The following SUCLG2 variants were observed in gnomAD, a reference collection of about 807,000 sequenced individuals.
The protein encoded by SUCLG2 is succinate--CoA ligase [GDP-forming] subunit beta, mitochondrial.
In SUCLG2, 42 loss-of-function variants were observed where a neutral mutation model predicts 47.9. The observed-to-expected ratio is 0.88, with a 90% CI of 0.69 to 1.14. The LOEUF (loss-of-function observed/expected upper bound fraction) is 1.14. Ranked by LOEUF, SUCLG2 falls within the 50% of genes most tolerant of loss-of-function variation. SUCLG2 has a pLI of 0.00. For synonymous variants in SUCLG2, 195 were observed against 197.3 expected (o/e 0.99, Z 0.10); for missense variants, 571 against 525.9 (o/e 1.09, Z -0.84).
chr3:67,393,090 C>T (rs969891321), intron 10 of SUCLG2, among the ~76,000 whole-genome samples: 12 of 152,166 alleles, frequency 7.9e-5, no homozygotes, highest in African/African-American at 1.4e-4. Context: ...CCAGCGTGAG[C>T]GACGCAGAAG....
At chr3:67,543,968 C>A (rs141055607) in intron 2 of SUCLG2, among the ~76,000 whole-genome samples, 37 of 152,266 alleles carry the variant, frequency 2.4e-4, no homozygotes, top group African/African-American at 8.9e-4. Flanking sequence ...GGACACATGG[C>A]TGAATACCTT....
chr3:67,550,353 T>C (rs1248619231), intron 2 of SUCLG2, among the ~76,000 whole-genome samples: 1 of 152,186 alleles, frequency 6.6e-6, no homozygotes, highest in Non-Finnish European at 1.5e-5. Flanking sequence ...TTTTCTTTTT[T>C]CCTTGAGACA....
At chr3:67,372,938 T>C (rs1701973402), downstream of SUCLG2, among the ~76,000 whole-genome samples, 1 of 152,130 alleles carries the variant, frequency 6.6e-6, no homozygotes, top group African/African-American at 2.4e-5. Context: ...CTGTGTAGCA[T>C]GAAAGTAGCC....
Position 67,647,564 on chromosome 3 carries a change from T to C in SUCLG2, c.84+6939A>G, listed in dbSNP as rs113156056. Reference sequence around the variant, plus strand: ...TCATGTCCAGTTGGCCGTTGGTTCATGCTGTGGCTACTGCCAATTCTTTAA... The same window carrying C: ...TCATGTCCAGTTGGCCGTTGGTTCACGCTGTGGCTACTGCCAATTCTTTAA... On this transcript the variant is annotated intron_variant, in intron 1 of 10. Transcript: ENST00000307227. Among the ~76,000 whole-genome samples the C allele has an allele frequency of 5.4e-3, 816 of 152,380 alleles. 2 individuals are homozygous for C. The highest frequency in any genetic ancestry group is 0.01 in the Middle Eastern group (3 of 294).
At chr3:67,562,303 A>G (rs1286947056) in intron 2 of SUCLG2, among the ~76,000 whole-genome samples, 1 of 151,630 alleles carries the variant, frequency 6.6e-6, no homozygotes, top group East Asian at 1.9e-4. Flanking sequence ...TTTGAGACAG[A>G]GTCTTGCTCT....
chr3:67,466,880 G>C (rs1287594218), intron 9 of SUCLG2, among the ~76,000 whole-genome samples: 1 of 152,198 alleles, frequency 6.6e-6, no homozygotes, highest in African/African-American at 2.4e-5. Flanking sequence ...GATATAACAT[G>C]CTTTACTGCT....
chr3:67,386,579 C>T (rs6787803), intron 10 of SUCLG2, among the ~76,000 whole-genome samples: 108,242 of 151,984 alleles, frequency 0.71, 39,183 homozygotes, highest in African/African-American at 0.82. Context: ...GAGCAAGGGA[C>T]GTCTTACATG....
chr3:67,403,703 AAG>A (rs141133572), intron 9 of SUCLG2, among the ~76,000 whole-genome samples: 2,220 of 152,256 alleles, frequency 0.015, 38 homozygotes, highest in African/African-American at 0.041. Context: ...GGAAGAAAAA[AAG>A]AGCAGGATCT....
At chr3:67,650,348 A>G (rs765766620) in intron 1 of SUCLG2, among the ~76,000 whole-genome samples, 6 of 152,214 alleles carry the variant, frequency 3.9e-5, no homozygotes, top group Non-Finnish European at 7.3e-5. Flanking sequence ...ATTCTTTCTG[A>G]GTATACAACA....
In SUCLG2 at chr3:67,511,202, T is replaced by C. The variant is rs553271450; in HGVS notation, c.661-2299A>G. On this transcript the variant is annotated intron_variant, in intron 6 of 10. Coordinates refer to ENST00000307227, the MANE Select transcript of SUCLG2 (RefSeq NM_003848.4). ...TGCGCCCGGCCTAAATTGTTCTTCA[T>C]AGAAGCTGTCCCTGATTTCCACTCC... 3.9e-5 allele frequency among the ~76,000 whole-genome samples: 6 copies of C among 152,308 alleles called. No homozygotes were observed. The South Asian group carries it at 1.2e-3, about 32-fold the overall frequency.
chr3:67,437,520 G>A (rs970370024), intron 9 of SUCLG2, among the ~76,000 whole-genome samples: 5 of 152,096 alleles, frequency 3.3e-5, no homozygotes, highest in Non-Finnish European at 7.4e-5. Flanking sequence ...TCATTTAATA[G>A]TTGCTGACTC....
chr3:67,654,316 G>C (rs924354692), intron 1 of SUCLG2, among the ~76,000 whole-genome samples, 187 bp downstream of exon 1: 1 of 152,184 alleles, frequency 6.6e-6, no homozygotes, highest in Non-Finnish European at 1.5e-5. Context: ...CCGCCGCGCC[G>C]CCCCTGCCCC....
chr3:67,599,547 A>G (rs1575807155), intron 2 of SUCLG2, among the ~76,000 whole-genome samples: 1 of 152,172 alleles, frequency 6.6e-6, no homozygotes, highest in East Asian at 1.9e-4. Flanking sequence ...ATATTTATGT[A>G]AAGTTGTTTT....
At chr3:67,481,143 G>A (rs181655470) in intron 9 of SUCLG2, among the ~76,000 whole-genome samples, 247 of 152,282 alleles carry the variant, frequency 1.6e-3, no homozygotes, top group African/African-American at 5.7e-3. Context: ...ATTATAAAAT[G>A]TAATAATGCA....
At chr3:67,487,323 C>T (rs1057156265) in intron 9 of SUCLG2, among the ~76,000 whole-genome samples, 4 of 152,224 alleles carry the variant, frequency 2.6e-5, no homozygotes, top group East Asian at 1.9e-4. Context: ...AAGACACTAA[C>T]ATGCATGAGG....
intron 7 of SUCLG2, among the ~76,000 whole-genome samples, chr3:67,506,242 G>C (rs1705635288): frequency 6.6e-6 from 1 of 152,128 alleles, no homozygotes; most frequent in Non-Finnish European, 1.5e-5. Flanking sequence ...CTGTGATAAT[G>C]ATGAAGATCA....
chr3:67,431,145 C>CA (rs149108292), intron 9 of SUCLG2, among the ~76,000 whole-genome samples: 4,758 of 150,450 alleles, frequency 0.032, 100 homozygotes, highest in African/African-American at 0.057. Context: ...AGAGACACAA[C>CA]AAAAAAAAAG....
At chr3:67,426,643 T>A (rs1703307599) in intron 9 of SUCLG2, among the ~76,000 whole-genome samples, 1 of 152,102 alleles carries the variant, frequency 6.6e-6, no homozygotes, top group African/African-American at 2.4e-5. Flanking sequence ...TTAAAATAGG[T>A]GGCATGCTGG....
At chr3:67,640,017 G>A (rs1203149806) in intron 1 of SUCLG2, among the ~76,000 whole-genome samples, 3 of 152,164 alleles carry the variant, frequency 2.0e-5, no homozygotes, top group African/African-American at 7.2e-5. Context: ...TGTTTAAGTA[G>A]AAGGAGATAG....
Sources: gnomAD v4.1 joint callset for allele counts (sites outside exome capture counted in the v4.1 genomes callset) on GRCh38, gnomAD v4.1.1 for gene constraint, MANE v1.5 for transcripts, NCBI Gene and HGNC (gene_info 2026-07-23, HGNC 2026-07-21) for gene names.